Variants in PCSK5 observed in about 807,000 individuals in gnomAD.
The protein encoded by PCSK5 is prohormone convertase 5.
Under a neutral mutation model 233.2 loss-of-function variants are expected in PCSK5, and 129 were observed. That is an observed-to-expected ratio of 0.55 (90% CI 0.48 to 0.64). The LOEUF (loss-of-function observed/expected upper bound fraction) is 0.64, where lower values mean the gene tolerates loss of function less well. Among genes scored for constraint, PCSK5 ranks in the 30% least tolerant of loss-of-function variants. The pLI, the probability that PCSK5 is intolerant of heterozygous loss-of-function variation, is 0.00. For synonymous variants in PCSK5, 825 were observed against 879.2 expected (o/e 0.94, Z 1.09); for missense variants, 2,076 against 2,430.1 (o/e 0.85, Z 3.06).
At chr9:75,975,844 A>C (rs2131372776) in intron 2 of PCSK5, among the ~76,000 whole-genome samples, 1 of 152,316 alleles carries the variant, frequency 6.6e-6, no homozygotes, top group Middle Eastern at 3.4e-3. Context: ...GAGGATGATT[A>C]TTCAAAAGAC....
At chr9:76,106,723 A>C (rs1831994261) in intron 8 of PCSK5, among the ~76,000 whole-genome samples, 1 of 152,230 alleles carries the variant, frequency 6.6e-6, no homozygotes, top group South Asian at 2.1e-4. Flanking sequence ...ACAGGTCCAC[A>C]ACCAAAGGTT....
At chr9:76,129,326 G>T (rs531065775) in intron 9 of PCSK5, among the ~76,000 whole-genome samples, 3 of 152,316 alleles carry the variant, frequency 2.0e-5, no homozygotes, top group African/African-American at 7.2e-5. Context: ...CGTTTAGGAA[G>T]TTGGATATTT....
chr9:76,323,826 G>T (rs564951627), intron 32 of PCSK5, among the ~76,000 whole-genome samples: 1 of 152,138 alleles, frequency 6.6e-6, no homozygotes, highest in East Asian at 1.9e-4. Context: ...ATTTACAGCA[G>T]AGAGGAGGAG....
chr9:76,282,229 C>A (rs1019055997), intron 24 of PCSK5, among the ~76,000 whole-genome samples: 4 of 145,626 alleles, frequency 2.7e-5, no homozygotes, highest in African/African-American at 7.4e-5. Context: ...GTGATCCTCC[C>A]ACCTCATCCT....
chr9:76,163,473 G>A (rs1329785599), intron 12 of PCSK5, among the ~76,000 whole-genome samples: 2 of 152,236 alleles, frequency 1.3e-5, no homozygotes, highest in African/African-American at 2.4e-5. Context: ...CGGCGTGCAT[G>A]CTCCCCTGGC....
intron 2 of PCSK5, among the ~76,000 whole-genome samples, chr9:75,965,306 AAG>A (rs1294534837): frequency 6.7e-6 from 1 of 149,278 alleles, no homozygotes; most frequent in Admixed American, 6.7e-5. Context: ...GAGAGAGAGA[AAG>A]AGAGATACTA....
chr9:76,149,101 C>T (rs74316175), intron 10 of PCSK5, among the ~76,000 whole-genome samples: 12 of 152,294 alleles, frequency 7.9e-5, no homozygotes, highest in Admixed American at 2.0e-4. Flanking sequence ...ACAGAAATTT[C>T]CCTACTGACA....
At chr9:76,258,713 T>G (rs1286690146) in intron 24 of PCSK5, among the ~76,000 whole-genome samples, 2 of 152,180 alleles carry the variant, frequency 1.3e-5, no homozygotes, top group Non-Finnish European at 2.9e-5. Context: ...CAGAAGTAAA[T>G]TCATCTTATG....
At position 76,175,077 on chromosome 9, in the gene PCSK5, C is replaced by T; in HGVS notation, c.1848C>T (p.Arg616=). 3.7e-6 allele frequency: 6 copies of T among 1,614,180 alleles called. No individual in the cohort carries two copies. Among genetic ancestry groups the T allele is most frequent in the Non-Finnish European group, 5.1e-6 (6 of 1,180,014 alleles). The change falls in exon 14 of 38, where the codon CGC becomes CGT. Residue 616 remains arginine, a synonymous_variant. Coordinates refer to ENST00000674117, the MANE Select transcript of PCSK5 (RefSeq NM_001372043.1). ...TNEFPKVERF[R]YSRVEDPTDD... is the part of the protein sequence containing the mutation. ...AATTTCCGAAAGTGGAACGGTTCCG[C>T]TATAGCCGAGTTGAAGACCCCACAG...
At chr9:76,298,227 C>T (rs891665021) in intron 27 of PCSK5, among the ~76,000 whole-genome samples, 3 of 152,052 alleles carry the variant, frequency 2.0e-5, no homozygotes, top group African/African-American at 4.8e-5. Flanking sequence ...AACTGGACTA[C>T]GCATTTTGCA....
chr9:76,006,777 T>C (rs1038099323), intron 3 of PCSK5, among the ~76,000 whole-genome samples: 8 of 152,192 alleles, frequency 5.3e-5, no homozygotes, highest in African/African-American at 1.9e-4. Context: ...AAGTGCAGTA[T>C]ACCCTGGGTT....
chr9:76,222,412 A>T (rs1378383098), intron 20 of PCSK5, among the ~76,000 whole-genome samples: 1 of 152,094 alleles, frequency 6.6e-6, no homozygotes, highest in Non-Finnish European at 1.5e-5. Flanking sequence ...CATTAAATAC[A>T]TTCACACTGC....
At chr9:76,135,339 C>T (rs976916543) in intron 10 of PCSK5, among the ~76,000 whole-genome samples, 2 of 151,950 alleles carry the variant, frequency 1.3e-5, no homozygotes, top group Admixed American at 1.3e-4. Flanking sequence ...TGAAACAAAA[C>T]CTATAAATAT....
chr9:76,004,307 A>G (rs1827386981), intron 3 of PCSK5, among the ~76,000 whole-genome samples: 1 of 151,956 alleles, frequency 6.6e-6, no homozygotes, highest in South Asian at 2.1e-4. Context: ...CATAAAATCT[A>G]CCTAGGGTAA....
At chr9:76,007,018 G>A (rs894120473) in intron 3 of PCSK5, among the ~76,000 whole-genome samples, 2 of 152,040 alleles carry the variant, frequency 1.3e-5, no homozygotes, top group African/African-American at 4.8e-5. Context: ...TGACCTCTAT[G>A]TTGCTTTTTT....
intron 24 of PCSK5, among the ~76,000 whole-genome samples, chr9:76,243,156 CT>C (rs999140744): frequency 2.6e-5 from 4 of 152,070 alleles, no homozygotes; most frequent in African/African-American, 9.7e-5. Context: ...AAAGACTCAC[CT>C]TGCAAAAAAA....
At chr9:75,915,990 A>G (rs1042995111) in intron 1 of PCSK5, among the ~76,000 whole-genome samples, 2 of 152,106 alleles carry the variant, frequency 1.3e-5, no homozygotes, top group African/African-American at 4.8e-5. Flanking sequence ...GGTTATTTAA[A>G]CTCTTCTTTG....
At chr9:75,932,720 G>A (rs1823867140) in intron 2 of PCSK5, among the ~76,000 whole-genome samples, 1 of 152,128 alleles carries the variant, frequency 6.6e-6, no homozygotes, top group African/African-American at 2.4e-5. Flanking sequence ...CATAGCTATG[G>A]GTTCTCATGG....
chr9:76,118,713 AATTAT>A (rs1832523831), intron 9 of PCSK5, among the ~76,000 whole-genome samples: 1 of 151,882 alleles, frequency 6.6e-6, no homozygotes, highest in African/African-American at 2.4e-5. Context: ...TATAAATTTA[AATTAT>A]ATTATCATCA....
Sources: gnomAD v4.1 joint callset for allele counts (sites outside exome capture counted in the v4.1 genomes callset) on GRCh38, gnomAD v4.1.1 for gene constraint, MANE v1.5 for transcripts, NCBI Gene and HGNC (gene_info 2026-07-23, HGNC 2026-07-21) for gene names.